The following ABLIM1 variants were observed in gnomAD, a reference collection of about 807,000 sequenced individuals.
ABLIM1 encodes the protein actin-binding LIM protein 1.
A neutral mutation model predicts 107.0 loss-of-function variants in ABLIM1; 40 were observed. The ratio of observed to expected loss-of-function variants is 0.37; its 90% CI spans 0.29 to 0.49. The LOEUF is 0.49. Among genes scored for constraint, ABLIM1 ranks in the 20% least tolerant of loss-of-function variants. The pLI is 0.97. For missense variants in ABLIM1, 857 were observed against 1,008.5 expected (o/e 0.85, Z 2.04); for synonymous variants, 357 against 357.3 (o/e 1.00, Z 0.01).
chr10:114,617,432 T>C (rs1226363574), intron 1 of ABLIM1, among the ~76,000 whole-genome samples: 4 of 151,988 alleles, frequency 2.6e-5, no homozygotes, highest in African/African-American at 9.7e-5. Flanking sequence ...TGGCTAATTT[T>C]TTTTTTTGTA....
intron 2 of ABLIM1, among the ~76,000 whole-genome samples, chr10:114,598,325 T>C (rs1293248223): frequency 6.9e-6 from 1 of 145,732 alleles, no homozygotes; most frequent in Non-Finnish European, 1.5e-5. Context: ...CAGTGGTTCA[T>C]GCCTGTATCC....
At chr10:114,615,087 A>T (rs1044754178) in intron 1 of ABLIM1, among the ~76,000 whole-genome samples, 1 of 151,986 alleles carries the variant, frequency 6.6e-6, no homozygotes, top group South Asian at 2.1e-4. Context: ...AAAGAAAAAC[A>T]CAAGTGTGTA....
chr10:114,604,574 C>T (rs987901361), intron 1 of ABLIM1, among the ~76,000 whole-genome samples: 3 of 152,188 alleles, frequency 2.0e-5, no homozygotes, highest in Non-Finnish European at 4.4e-5. Context: ...GGGAGTCAGG[C>T]ATCTACCTTT....
intron 1 of ABLIM1, among the ~76,000 whole-genome samples, chr10:114,760,229 T>C (rs1468593621): frequency 1.3e-5 from 2 of 152,198 alleles, no homozygotes; most frequent in African/African-American, 2.4e-5. Context: ...CTGTCTATTA[T>C]ATTGTCTTGC....
intron 1 of ABLIM1, among the ~76,000 whole-genome samples, chr10:114,737,982 AC>A (rs1489079340): frequency 5.3e-5 from 8 of 152,160 alleles, no homozygotes; most frequent in Non-Finnish European, 1.5e-5. Flanking sequence ...ATTTACTAAA[AC>A]CCATCAAATT....
At chr10:114,738,632 T>C (rs1240010100) in intron 1 of ABLIM1, among the ~76,000 whole-genome samples, 1 of 152,190 alleles carries the variant, frequency 6.6e-6, no homozygotes, top group African/African-American at 2.4e-5. Context: ...CAGCTTTTGG[T>C]GATTTAGTTC....
rs138601357 is a variant in ABLIM1, at chr10:114,465,811, C to T, written c.1328G>A (p.Arg443Gln). The change falls in exon 12 of 23, where the codon CGG becomes CAG. Residue 443 changes from arginine to glutamine, a missense_variant. Coordinates refer to ENST00000533213, the MANE Select transcript of ABLIM1 (RefSeq NM_002313.7). Reference protein sequence around the residue: ...TPSAEGYQDVRDRMIHRSTSQ... With the variant: ...TPSAEGYQDVQDRMIHRSTSQ... ...CGTGGACCGATGGATCATCCGATCCCGAACATCCTGGTACCCCTGGAAACA... is the reference window on the plus strand; with the variant it reads ...CGTGGACCGATGGATCATCCGATCCTGAACATCCTGGTACCCCTGGAAACA... 178 of 1,613,962 alleles carry T rather than the reference C, an allele frequency of 1.1e-4. No individual in the cohort carries two copies. The highest frequency in any genetic ancestry group is 6.6e-4 in the Middle Eastern group (4 of 6,084).
At chr10:114,662,126 G>T (rs2079821400), upstream of ABLIM1, among the ~76,000 whole-genome samples, 1 of 152,168 alleles carries the variant, frequency 6.6e-6, no homozygotes, top group African/African-American at 2.4e-5. Flanking sequence ...TTTTCTCAGA[G>T]AGCAAATTGC....
chr10:114,643,262 A>G (rs1314412370), intron 1 of ABLIM1, among the ~76,000 whole-genome samples: 1 of 152,220 alleles, frequency 6.6e-6, no homozygotes, highest in Non-Finnish European at 1.5e-5. Context: ...ATTACAACTA[A>G]CAAAAATCGG....
chr10:114,637,958 G>A (rs1413083324), intron 1 of ABLIM1, among the ~76,000 whole-genome samples: 1 of 152,198 alleles, frequency 6.6e-6, no homozygotes, highest in Non-Finnish European at 1.5e-5. Flanking sequence ...CTTTCTATCA[G>A]GTAGAATTGC....
rs367582079 is a variant in ABLIM1 at position 114,491,892 on chromosome 10, G to T, written c.895-14C>A. On this transcript the variant is annotated splice_polypyrimidine_tract_variant and intron_variant, in intron 6 of 22. Coordinates refer to ENST00000533213, the MANE Select transcript of ABLIM1 (RefSeq NM_002313.7). ...TTTGTCACCTGCCTGCAAGAGAAAA[G>T]GTAGGGAACGTTGAGTCTGCTCCTT... The T allele has an allele frequency of 1.3e-6, 2 of 1,597,744 alleles. No individual in the cohort carries two copies. Among genetic ancestry groups the T allele is most frequent in the South Asian group, 2.2e-5 (2 of 90,284 alleles).
rs568408101 is a variant in ABLIM1, at chr10:114,681,900, C to A, written c.64+2390G>T. ...CTCTGATTGACCCACTGGTCACCGA[C>A]TGTGGCAGCGCTCATTTGCAGTGGC... On this transcript the variant is annotated intron_variant, in intron 1 of 23. Coordinates refer to the ABLIM1 transcript ENST00000369256. 5.8e-4 allele frequency among the ~76,000 whole-genome samples: 89 copies of A among 152,350 alleles called. 2 individuals are homozygous for A. In the South Asian group the frequency reaches 0.018, roughly 30 times the overall value.
At chr10:114,529,417 C>T (rs530760943) in intron 6 of ABLIM1, among the ~76,000 whole-genome samples, 6 of 152,226 alleles carry the variant, frequency 3.9e-5, no homozygotes, top group East Asian at 3.9e-4. Context: ...CCACTGCGCC[C>T]GGCCTCTTCA....
chr10:114,736,418 A>C (rs983389104), intron 1 of ABLIM1, among the ~76,000 whole-genome samples: 1 of 152,218 alleles, frequency 6.6e-6, no homozygotes, highest in African/African-American at 2.4e-5. Flanking sequence ...GTTGGATATT[A>C]AAAAACAACA....
chr10:114,716,386 A>G (rs1311546137), intron 1 of ABLIM1, among the ~76,000 whole-genome samples: 1 of 150,020 alleles, frequency 6.7e-6, no homozygotes, highest in Non-Finnish European at 1.5e-5. Context: ...TTTCACAGTT[A>G]GTGTTCTCAA....
At chr10:114,726,507 C>G (rs1048408679) in intron 1 of ABLIM1, among the ~76,000 whole-genome samples, 1 of 151,980 alleles carries the variant, frequency 6.6e-6, no homozygotes, top group Non-Finnish European at 1.5e-5. Flanking sequence ...TTTAAACAAC[C>G]AGAGATCACA....
intron 6 of ABLIM1, among the ~76,000 whole-genome samples, chr10:114,498,695 A>G (rs190855083): frequency 2.0e-5 from 3 of 152,338 alleles, no homozygotes; most frequent in Admixed American, 6.5e-5. Flanking sequence ...CTTATCAGAG[A>G]AGGACATGAT....
At chr10:114,503,493 C>A (rs1291113171) in intron 6 of ABLIM1, among the ~76,000 whole-genome samples, 1 of 151,946 alleles carries the variant, frequency 6.6e-6, no homozygotes, top group Non-Finnish European at 1.5e-5. Flanking sequence ...AATAGTGTTG[C>A]TATGAAAATT....
At chr10:114,482,959 A>G (rs1245373187) in intron 8 of ABLIM1, among the ~76,000 whole-genome samples, 1 of 152,228 alleles carries the variant, frequency 6.6e-6, no homozygotes, top group Non-Finnish European at 1.5e-5. Flanking sequence ...TAAGAAAAAA[A>G]AACTATTGAA....
Sources: gnomAD v4.1 joint callset for allele counts (sites outside exome capture counted in the v4.1 genomes callset) on GRCh38, gnomAD v4.1.1 for gene constraint, MANE v1.5 for transcripts, NCBI Gene and HGNC (gene_info 2026-07-23, HGNC 2026-07-21) for gene names.